The following CAPRIN2 variants were observed in gnomAD, a reference collection of about 807,000 sequenced individuals.
The protein encoded by CAPRIN2 is caprin family member 2, also known as caprin-2.
CAPRIN2 carries 66 observed loss-of-function variants against 130.4 expected under a neutral mutation model. The observed-to-expected ratio is 0.51, with a 90% confidence interval of 0.42 to 0.62. The LOEUF is 0.62. Ranked by LOEUF, CAPRIN2 falls within the 20% of genes least tolerant of loss-of-function variation. CAPRIN2 has a pLI of 0.00. For synonymous variants in CAPRIN2, 471 were observed against 444.1 expected, an observed-to-expected ratio of 1.06 and a Z score of -0.76; for missense variants, 1,185 against 1,246.6, an observed-to-expected ratio of 0.95 and a Z score of 0.74.
At chr12:30,742,648 T>C (rs952584231) in intron 2 of CAPRIN2, among the ~76,000 whole-genome samples, 3 of 150,092 alleles carry the variant, frequency 2.0e-5, no homozygotes, top group Non-Finnish European at 3.0e-5. Context: ...TACCACTTTC[T>C]ATAAGGTACA....
chr12:30,738,430 G>A (rs1436862634), intron 3 of CAPRIN2, among the ~76,000 whole-genome samples: 1 of 152,068 alleles, frequency 6.6e-6, no homozygotes, highest in Admixed American at 6.5e-5. Flanking sequence ...TTCCTTAAAT[G>A]TAAAACCCAA....
At chr12:30,737,060 A>T (rs1234700308) in intron 3 of CAPRIN2, among the ~76,000 whole-genome samples, 1 of 152,124 alleles carries the variant, frequency 6.6e-6, no homozygotes, top group Non-Finnish European at 1.5e-5. Context: ...GCTGGGGTGC[A>T]GTGGCACAGT....
At chr12:30,717,832 T>C (rs1363586331) in intron 12 of CAPRIN2, among the ~76,000 whole-genome samples, 1 of 152,186 alleles carries the variant, frequency 6.6e-6, no homozygotes, top group Non-Finnish European at 1.5e-5. Context: ...TCCCTGATTC[T>C]GCTCCATTTT....
intron 2 of CAPRIN2, among the ~76,000 whole-genome samples, chr12:30,745,179 T>TC (rs1753008703): frequency 6.6e-6 from 1 of 152,182 alleles, no homozygotes; most frequent in Admixed American, 6.5e-5. Context: ...GGTACCACAT[T>TC]CTAATTCTTT....
chr12:30,709,838 C>T, exon 17 of CAPRIN2: 1 of 1,515,006 alleles, frequency 6.6e-7, no homozygotes, highest in East Asian at 2.3e-5. Flanking sequence ...AGGGCAAAGA[C>T]TACTTTTCCT....
At chr12:30,727,210 T>A (rs148714278) in intron 8 of CAPRIN2, among the ~76,000 whole-genome samples, 168 of 152,302 alleles carry the variant, frequency 1.1e-3, no homozygotes, top group Non-Finnish European at 1.8e-3. Flanking sequence ...TTCAAAATAG[T>A]TACATTACAG....
At chr12:30,724,498 T>G (rs1343740146) in intron 9 of CAPRIN2, 47 bp from the exon 11 acceptor site, 1 of 1,213,666 alleles carries the variant, frequency 8.2e-7, no homozygotes, top group Non-Finnish European at 1.2e-6. Flanking sequence ...GATTACTCAT[T>G]TAAAAGCTAT....
exon 17 of CAPRIN2, chr12:30,709,633 G>A (rs988648503): frequency 9.4e-6 from 3 of 317,472 alleles, no homozygotes; most frequent in African/African-American, 2.1e-5. Context: ...TAAGCTGAAC[G>A]TTAATACAGT....
At chr12:30,724,569 A>G (rs1015032627) in intron 9 of CAPRIN2, 118 bp from the exon 11 acceptor site, 10 of 683,662 alleles carry the variant, frequency 1.5e-5, no homozygotes, top group Non-Finnish European at 2.6e-5. Flanking sequence ...ATATCTAGCT[A>G]AAGCTATAGG....
Position 30,710,482 on chromosome 12 carries a change from G to A in CAPRIN2, c.2666-12C>T, listed in dbSNP as rs1388691814. On this transcript the variant is annotated splice_polypyrimidine_tract_variant and intron_variant, in intron 16 of 16. Transcript: ENST00000298892. This position sits in a 1 kb window ranked among gnomAD's most constrained non-coding sequence, Gnocchi z 4.8. ...ATCACTCCACCCTGCTGTTTTATTA[G>A]CAACAGTGAGTTTCTCATAATGAAG... The A allele has an allele frequency of 3.7e-6, 6 of 1,613,594 alleles. No homozygotes were observed. In the Admixed American group the frequency reaches 1.0e-4, roughly 27 times the overall value.
chr12:30,715,160 T>G lies in CAPRIN2; in HGVS notation c.2318-19A>C, dbSNP rs1379996013. The G allele has an allele frequency of 6.2e-7, 1 of 1,609,302 alleles. No homozygotes were observed. The highest frequency in any genetic ancestry group is 1.3e-5 in the African/African-American group (1 of 74,928). The stretch of plus-strand genomic sequence containing the variant: ...TAATTTGCTGCTTAAGAAAAACGAT[T>G]TTAGGGTCCAAGAGTTAAATGGTAA... On this transcript the variant is annotated intron_variant, in intron 13 of 16. Coordinates refer to ENST00000298892, the Ensembl canonical transcript of CAPRIN2.
chr12:30,716,880 A>G (rs1316933899), intron 12 of CAPRIN2, among the ~76,000 whole-genome samples: 1 of 152,198 alleles, frequency 6.6e-6, no homozygotes, highest in African/African-American at 2.4e-5. Context: ...GTAAATCCAA[A>G]CCATAATGCC....
exon 13 of CAPRIN2, chr12:30,716,652 G>T (rs1429004527): frequency 1.2e-6 from 2 of 1,613,750 alleles, no homozygotes; most frequent in African/African-American, 2.7e-5. Context: ...TTTCGTGGAG[G>T]CAGAGGTGCA....
chr12:30,719,452 A>C lies in CAPRIN2; in HGVS notation c.2148+1359T>G, dbSNP rs756980998. 3.5e-5 allele frequency: 18 copies of C among 511,292 alleles called. 1 individual carries two copies. The highest frequency in any genetic ancestry group is 5.2e-5 in the Non-Finnish European group (15 of 288,310). 31.7% of individuals were successfully genotyped at this position (511,292 alleles called of 1,614,324 possible). A position where few individuals can be genotyped will look rare whatever the true frequency, so the allele number is the denominator to read the frequency against. ...GACTAAGTGAAAGAGTCTTACCAAT[A>C]ATCAGTCTAACAGATGAGGGGCTGA... is the stretch of plus-strand genomic sequence containing the variant. On this transcript the variant is annotated intron_variant, in intron 12 of 16. Coordinates refer to ENST00000298892, the Ensembl canonical transcript of CAPRIN2.
chr12:30,739,900 A>G (rs2066627708), intron 3 of CAPRIN2, among the ~76,000 whole-genome samples: 2 of 152,214 alleles, frequency 1.3e-5, no homozygotes, highest in Non-Finnish European at 2.9e-5. Flanking sequence ...AATACCATAT[A>G]TTAGAAAAAT....
At chr12:30,752,741 T>C (rs2074598389) in intron 1 of CAPRIN2, among the ~76,000 whole-genome samples, 2 of 149,822 alleles carry the variant, frequency 1.3e-5, no homozygotes, top group Non-Finnish European at 1.5e-5. Context: ...AGAAACGTAA[T>C]ACAGCAAAGC....
At chr12:30,735,869 A>G (rs887400704) in intron 3 of CAPRIN2, among the ~76,000 whole-genome samples, 2 of 152,188 alleles carry the variant, frequency 1.3e-5, no homozygotes, top group African/African-American at 4.8e-5. Context: ...GGCCAGGCAC[A>G]ATGATACACA....
intron 1 of CAPRIN2, among the ~76,000 whole-genome samples, chr12:30,752,375 A>G (rs1007417973): frequency 6.6e-6 from 1 of 152,116 alleles, no homozygotes; most frequent in Non-Finnish European, 1.5e-5. Context: ...ATAAGCATAC[A>G]TATATGTAGT....
At chr12:30,711,352 C>T (rs2054491265) in intron 16 of CAPRIN2, among the ~76,000 whole-genome samples, 1 of 152,068 alleles carries the variant, frequency 6.6e-6, no homozygotes. Context: ...TTAAAAAACA[C>T]CCACCCTTTT....
Sources: allele counts gnomAD v4.1 joint callset (sites outside exome capture counted in the v4.1 genomes callset), GRCh38; gene constraint gnomAD v4.1.1; non-coding constraint Gnocchi (gnomAD v3.1); transcripts MANE v1.5; gene names NCBI Gene and HGNC (gene_info 2026-07-23, HGNC 2026-07-21).